The following GXYLT1 variants were observed in gnomAD, a reference collection of about 807,000 sequenced individuals.
GXYLT1 encodes the protein glucoside xylosyltransferase 1, also known as glycosyltransferase 8 domain containing 3.
Under a neutral mutation model 54.0 loss-of-function variants are expected in GXYLT1, and 29 were observed. That is an observed-to-expected ratio of 0.54 (90% CI 0.40 to 0.73). The LOEUF is 0.73. Among genes scored for constraint, GXYLT1 ranks in the 30% least tolerant of loss-of-function variants. The pLI is 0.00. For synonymous variants in GXYLT1, 176 were observed against 204.1 expected, an observed-to-expected ratio of 0.86 and a Z score of 1.17; for missense variants, 490 against 553.4, an observed-to-expected ratio of 0.89 and a Z score of 1.15.
At chr12:42,094,101 T>A (rs987894595) in intron 7 of GXYLT1, among the ~76,000 whole-genome samples, 2 of 151,526 alleles carry the variant, frequency 1.3e-5, no homozygotes, top group Non-Finnish European at 2.9e-5. Context: ...TGGGTTATCC[T>A]GGTAATCCCA....
rs115031067 is a variant in GXYLT1 at position 42,089,573 on chromosome 12, C to T, written c.1162-1626G>A. On this transcript the variant is annotated intron_variant, in intron 7 of 7. Coordinates refer to ENST00000398675, the MANE Select transcript of GXYLT1 (RefSeq NM_173601.2). ...TTATCTCCATCTGACAATGAAACAA[C>T]GAAGGCAAGGAGAGAGGATTTTCTC... Among the ~76,000 whole-genome samples the T allele has an allele frequency of 6.7e-3, 1,017 of 152,184 alleles. 16 individuals are homozygous for T. The highest frequency in any genetic ancestry group is 0.023 in the African/African-American group (940 of 41,518).
chr12:42,144,038 G>T (rs538191939), intron 1 of GXYLT1, among the ~76,000 whole-genome samples: 1 of 152,080 alleles, frequency 6.6e-6, no homozygotes, highest in Non-Finnish European at 1.5e-5. Context: ...CACTGAACTA[G>T]GGCGCCAGCC....
chr12:42,107,295 T>A (rs1024327295), intron 4 of GXYLT1, among the ~76,000 whole-genome samples: 1 of 152,114 alleles, frequency 6.6e-6, no homozygotes, highest in Non-Finnish European at 1.5e-5. Context: ...TCCTCCCTTA[T>A]CTCACTATCA....
chr12:42,137,762 G>A (rs373656072), intron 1 of GXYLT1, among the ~76,000 whole-genome samples: 371 of 107,130 alleles, frequency 3.5e-3, no homozygotes, highest in African/African-American at 4.4e-3. Context: ...ATCTCAAATT[G>A]AAAAAAAAAA....
At chr12:42,112,870 G>GC (rs1324212294) in intron 3 of GXYLT1, among the ~76,000 whole-genome samples, 2 of 149,880 alleles carry the variant, frequency 1.3e-5, no homozygotes, top group Admixed American at 6.6e-5. Flanking sequence ...TGAAGGAAGT[G>GC]CAGCCAGAGA....
chr12:42,106,494 C>T (rs1166847016), intron 4 of GXYLT1, among the ~76,000 whole-genome samples: 2 of 152,082 alleles, frequency 1.3e-5, no homozygotes, highest in African/African-American at 4.8e-5. Flanking sequence ...ACACTGGCAT[C>T]TTTACATCAT....
At chr12:42,136,888 C>A (rs1379440127) in intron 1 of GXYLT1, among the ~76,000 whole-genome samples, 2 of 152,078 alleles carry the variant, frequency 1.3e-5, no homozygotes, top group Admixed American at 1.3e-4. Context: ...ATCCTCCCAC[C>A]TCAACCTCTG....
At chr12:42,142,537 G>A (rs543810283) in intron 1 of GXYLT1, among the ~76,000 whole-genome samples, 60 of 151,738 alleles carry the variant, frequency 4.0e-4, no homozygotes, top group Admixed American at 3.8e-3. Context: ...TTGTAAAGAT[G>A]GGTTGTTGAC....
At position 42,105,795 on chromosome 12, in the gene GXYLT1, AACT is replaced by A; in HGVS notation, c.864+20_864+22del. 1 of 1,576,356 alleles carries A rather than the reference AACT, an allele frequency of 6.3e-7. No homozygotes were observed. The highest frequency in any genetic ancestry group is 1.7e-4 in the Middle Eastern group (1 of 5,964). On this transcript the variant is annotated intron_variant, in intron 5 of 7. Transcript: ENST00000398675. ...AGAAGGTTTTTAGAGAAATGTTAAC[AACT>A]ACCTGTATTAGTGACTTACCTTGAA...
At chr12:42,142,826 A>G (rs2065659450) in intron 1 of GXYLT1, among the ~76,000 whole-genome samples, 1 of 152,194 alleles carries the variant, frequency 6.6e-6, no homozygotes, top group Non-Finnish European at 1.5e-5. Context: ...AAATGTGGTG[A>G]CATGCTGTTC....
rs950760619 is a variant in GXYLT1 at position 42,098,010 on chromosome 12, T to C, written c.888A>G (p.Leu296=). The C allele has an allele frequency of 6.2e-7, 1 of 1,609,476 alleles. No homozygotes were observed. The highest frequency in any genetic ancestry group is 1.7e-5 in the Admixed American group (1 of 59,706). ...ATGGCATAAGTATATCTCCCCATTG[T>C]AGTCGTACAGTTGTCATATCATTCT... ...YFKNDMTTVR[L]QWGDILMPLL... is the part of the protein sequence containing the mutation. Residue 296 remains leucine (L), a synonymous_variant, in exon 6 of 8, where the codon CTA becomes CTG. Coordinates refer to ENST00000398675, the MANE Select transcript of GXYLT1 (RefSeq NM_173601.2).
chr12:42,114,127 G>T (rs2065477134), intron 3 of GXYLT1, among the ~76,000 whole-genome samples: 1 of 152,286 alleles, frequency 6.6e-6, no homozygotes, highest in South Asian at 2.1e-4. Context: ...CACATTCAAA[G>T]CAGTGTGTAG....
chr12:42,088,447 C>A (rs1440846259), intron 7 of GXYLT1, among the ~76,000 whole-genome samples: 1 of 152,070 alleles, frequency 6.6e-6, no homozygotes, highest in South Asian at 2.1e-4. Context: ...AGGATCCCAA[C>A]AATAAACACA....
At chr12:42,120,036 T>A (rs1489282898) in intron 2 of GXYLT1, among the ~76,000 whole-genome samples, 1 of 152,152 alleles carries the variant, frequency 6.6e-6, no homozygotes, top group Non-Finnish European at 1.5e-5. Context: ...TTACTCACAT[T>A]AGATGCCTTA....
At position 42,088,144 on chromosome 12, in the gene GXYLT1, GGT is replaced by G; in HGVS notation, c.1162-199_1162-198del. Among the ~76,000 whole-genome samples the G allele has an allele frequency of 1.3e-5, 2 of 151,902 alleles. 1 individual carries two copies. The highest frequency in any genetic ancestry group is 1.3e-4 in the Admixed American group (2 of 15,224). On this transcript the variant is annotated intron_variant, in intron 7 of 7. Coordinates refer to ENST00000398675, the MANE Select transcript of GXYLT1 (RefSeq NM_173601.2). ...TCTCCCATTAAAGAAAGACAGCCAT[GGT>G]AAATCTCCGGGGGAATCCTGGAGAA...
chr12:42,118,537 G>A (rs1248051015), intron 3 of GXYLT1, among the ~76,000 whole-genome samples: 1 of 152,218 alleles, frequency 6.6e-6, no homozygotes, highest in Admixed American at 6.5e-5. Flanking sequence ...CAGTGTTACA[G>A]AATAAATATT....
rs999502391 is a variant in GXYLT1 at position 42,132,635 on chromosome 12, T to C, written c.222-2784A>G. On this transcript the variant is annotated intron_variant, in intron 1 of 7. Transcript: ENST00000398675. The stretch of plus-strand genomic sequence containing the variant: ...AGAAGTTGCTGAAACTACTTGATCT[T>C]CGTTAGTCTCAAGAAAACGCCCACG... 1.1e-4 allele frequency among the ~76,000 whole-genome samples: 16 copies of C among 152,290 alleles called. No homozygotes were observed. The East Asian group carries it at 2.5e-3, about 24-fold the overall frequency.
chr12:42,134,979 C>G (rs905418319), intron 1 of GXYLT1, among the ~76,000 whole-genome samples: 1 of 152,162 alleles, frequency 6.6e-6, no homozygotes, highest in Non-Finnish European at 1.5e-5. Context: ...GTTATTCACT[C>G]CCCACATTTA....
At chr12:42,144,355 C>T in intron 1 of GXYLT1, 71 bp downstream of exon 1, 2 of 1,033,602 alleles carry the variant, frequency 1.9e-6, no homozygotes, top group Non-Finnish European at 2.5e-6. Context: ...CGGCGAGCAG[C>T]CCGGGCTAGG....
Sources: gnomAD v4.1 joint callset for allele counts (sites outside exome capture counted in the v4.1 genomes callset) on GRCh38, gnomAD v4.1.1 for gene constraint, MANE v1.5 for transcripts, NCBI Gene and HGNC (gene_info 2026-07-23, HGNC 2026-07-21) for gene names.